Variants in ANKRD17 observed in about 807,000 individuals in gnomAD.
The protein encoded by ANKRD17 is ankyrin repeat domain 17.
A neutral mutation model predicts 229.7 loss-of-function variants in ANKRD17; 19 were observed. The ratio of observed to expected loss-of-function variants is 0.08; its 90% CI spans 0.06 to 0.12. The LOEUF (loss-of-function observed/expected upper bound fraction) is 0.12. Among genes scored for constraint, ANKRD17 ranks in the 10% least tolerant of loss-of-function variants. The pLI, the probability that ANKRD17 is intolerant of heterozygous loss-of-function variation, is 1.00. For synonymous variants in ANKRD17, 1,112 were observed against 1,146.1 expected, an observed-to-expected ratio of 0.97 and a Z score of 0.60; for missense variants, 2,176 against 3,176.8, an observed-to-expected ratio of 0.68 and a Z score of 7.57.
At chr4:73,168,632 G>A (rs922440980) in intron 2 of ANKRD17, among the ~76,000 whole-genome samples, 5 of 152,126 alleles carry the variant, frequency 3.3e-5, no homozygotes, top group Non-Finnish European at 5.9e-5. Context: ...ATGTTAAGTC[G>A]CTAGAAACAC....
intron 5 of ANKRD17, among the ~76,000 whole-genome samples, chr4:73,155,267 T>C (rs1223621512): frequency 1.2e-4 from 18 of 152,162 alleles, no homozygotes; most frequent in Admixed American, 1.2e-3. Context: ...TGAACTATCC[T>C]TTTGTTCCAC....
intron 26 of ANKRD17, among the ~76,000 whole-genome samples, chr4:73,097,520 G>A (rs1317117681): frequency 6.7e-6 from 1 of 150,102 alleles, no homozygotes; most frequent in Non-Finnish European, 1.5e-5. Context: ...CTGCAGCCTT[G>A]AGCTCTCGGG....
At chr4:73,095,824 T>C (rs1723233853) in intron 27 of ANKRD17, among the ~76,000 whole-genome samples, 1 of 152,108 alleles carries the variant, frequency 6.6e-6, no homozygotes, top group East Asian at 1.9e-4. Context: ...TAGCTGAGAT[T>C]ACAAGCACAA....
Position 73,094,183 on chromosome 4 carries a change from A to G in ANKRD17, c.5223T>C (p.Ile1741=), listed in dbSNP as rs760141741. ...SVPSTVISRV[I]GRGGCNINAI... ...CATTGATATTACAGCCTCCTCTTCC[A>G]ATCACTCTGGATATCACAGTTGATG... Residue 1741 remains isoleucine, a synonymous_variant, in exon 28 of 34, where the codon ATT becomes ATC. Coordinates refer to ENST00000358602, the MANE Select transcript of ANKRD17 (RefSeq NM_032217.5). The G allele has an allele frequency of 3.7e-6, 6 of 1,613,636 alleles. No homozygotes were observed. In the South Asian group the frequency reaches 4.4e-5, roughly 12 times the overall value.
intron 16 of ANKRD17, among the ~76,000 whole-genome samples, chr4:73,130,515 C>T (rs973437812): frequency 2.0e-5 from 3 of 151,662 alleles, no homozygotes; most frequent in Admixed American, 1.3e-4. Context: ...AGTCTTGATA[C>T]GTCACAAGTG....
At chr4:73,157,966 C>A (rs1038367058) in intron 3 of ANKRD17, among the ~76,000 whole-genome samples, 3 of 151,882 alleles carry the variant, frequency 2.0e-5, no homozygotes, top group Non-Finnish European at 4.4e-5. Context: ...GCAGCGTGGC[C>A]TATAGTCCCA....
chr4:73,181,528 T>G (rs1362183291), intron 1 of ANKRD17, among the ~76,000 whole-genome samples: 1 of 152,182 alleles, frequency 6.6e-6, no homozygotes, highest in Non-Finnish European at 1.5e-5. Flanking sequence ...AGATGCAATC[T>G]TATAAACATA....
intron 2 of ANKRD17, chr4:73,168,981 C>G (rs975467634): frequency 1.3e-5 from 2 of 152,114 alleles, no homozygotes; most frequent in Non-Finnish European, 2.9e-5. Context: ...TTCTTAGTGT[C>G]CATGTGTACT....
chr4:73,203,943 A>T (rs1347952773), intron 1 of ANKRD17, among the ~76,000 whole-genome samples: 1 of 152,088 alleles, frequency 6.6e-6, no homozygotes, highest in Non-Finnish European at 1.5e-5. Context: ...ACTCTTAAAA[A>T]CAGCCATGGG....
intron 1 of ANKRD17, among the ~76,000 whole-genome samples, chr4:73,193,069 T>G (rs1416543699): frequency 6.6e-6 from 1 of 152,216 alleles, no homozygotes; most frequent in Non-Finnish European, 1.5e-5. Flanking sequence ...AAATTTGTCC[T>G]GTCCATTTGT....
intron 2 of ANKRD17, chr4:73,169,147 A>G (rs1329497518): frequency 6.6e-6 from 1 of 152,148 alleles, no homozygotes; most frequent in Non-Finnish European, 1.5e-5. Flanking sequence ...CATGATGTAA[A>G]ATATAACTTA....
chr4:73,223,193 TCA>T, intron 1 of ANKRD17: 1 of 542,688 alleles, frequency 1.8e-6, no homozygotes, highest in South Asian at 3.2e-5. Context: ...AGGGGGTGAC[TCA>T]CTGTGTATTT....
At position 73,098,446 on chromosome 4, in the gene ANKRD17, T is replaced by C. The variant is rs1723561457; in HGVS notation, c.4648A>G (p.Thr1550Ala). 6.2e-7 allele frequency: 1 copy of C among 1,614,208 alleles called. No individual in the cohort carries two copies. Among genetic ancestry groups the C allele is most frequent in the Non-Finnish European group, 8.5e-7 (1 of 1,180,024 alleles). ...TTIGISATWT[T>A]LAGSHGKRNN... Reference sequence around the variant, plus strand: ...CTTTTACCATGAGAACCTGCCAAAGTTGTCCAGGTTGCAGATATACCTATG... The same window carrying C: ...CTTTTACCATGAGAACCTGCCAAAGCTGTCCAGGTTGCAGATATACCTATG... The change falls in exon 26 of 34, where the codon ACT becomes GCT. Residue 1550 changes from threonine (T) to alanine (A), a missense_variant. By Grantham distance (58) the Thr-to-Ala change is moderately conservative (BLOSUM62 0). This residue lies in a region of ANKRD17 where 105 missense variants were observed against 118.3 expected (regional missense o/e 0.89). Transcript: ENST00000358602.
At chr4:73,200,416 G>C (rs1047956116) in intron 1 of ANKRD17, among the ~76,000 whole-genome samples, 1 of 152,068 alleles carries the variant, frequency 6.6e-6, no homozygotes, top group Non-Finnish European at 1.5e-5. Flanking sequence ...GAGTAACATA[G>C]TAAGATCCTG....
At chr4:73,209,212 A>C (rs544315104) in intron 1 of ANKRD17, among the ~76,000 whole-genome samples, 1 of 152,312 alleles carries the variant, frequency 6.6e-6, no homozygotes, top group African/African-American at 2.4e-5. Flanking sequence ...GGTCAAAAAC[A>C]AAAAACAAAA....
At chr4:73,207,559 G>C (rs771509929) in intron 1 of ANKRD17, among the ~76,000 whole-genome samples, 6 of 152,122 alleles carry the variant, frequency 3.9e-5, no homozygotes, top group Non-Finnish European at 8.8e-5. Context: ...ACAGAGATAG[G>C]TTAAAAGAAT....
chr4:73,103,439 T>C (rs1302365434), intron 24 of ANKRD17, among the ~76,000 whole-genome samples: 6 of 152,192 alleles, frequency 3.9e-5, no homozygotes, highest in Non-Finnish European at 5.9e-5. Flanking sequence ...AATGAGTACA[T>C]TATTACTTTC....
rs1424652306 is a variant in ANKRD17, at chr4:73,146,841, C to A, written c.1792G>T (p.Asp598Tyr). 1.2e-6 allele frequency: 2 copies of A among 1,612,692 alleles called. No homozygotes were observed. Among genetic ancestry groups the A allele is most frequent in the Non-Finnish European group, 1.7e-6 (2 of 1,179,154 alleles). The change falls in exon 10 of 34, where the codon GAT (aspartate) becomes TAT (tyrosine). Residue 598 changes from aspartate to tyrosine, a missense_variant. Asp to Tyr is a radical substitution (Grantham distance 160, BLOSUM62 -3). Around this residue, in one of 18 missense-constraint regions of ANKRD17, gnomAD observed 275 missense variants for 386.9 expected, o/e 0.71. Coordinates refer to ENST00000358602, the MANE Select transcript of ANKRD17 (RefSeq NM_032217.5). ...TCACAGGCATATGTTAGTGCTGTATCCCCTGTTGCTGTTGTTGCATGAACG... is the reference window on the plus strand; with the variant it reads ...TCACAGGCATATGTTAGTGCTGTATACCCTGTTGCTGTTGTTGCATGAACG... Reference protein sequence around the residue: ...ANVHATTATGDTALTYACENG... With the variant: ...ANVHATTATGYTALTYACENG...
At chr4:73,244,668 T>C (rs1367166629) in intron 1 of ANKRD17, among the ~76,000 whole-genome samples, 1 of 152,172 alleles carries the variant, frequency 6.6e-6, no homozygotes, top group East Asian at 1.9e-4. Context: ...TCTTGCCTGA[T>C]GTGTTCTGGA....
Sources: gnomAD v4.1 joint callset for allele counts (sites outside exome capture counted in the v4.1 genomes callset) on GRCh38, gnomAD v4.1.1 for gene constraint, gnomAD v4.1.1 regional missense constraint, MANE v1.5 for transcripts, NCBI Gene and HGNC (gene_info 2026-07-23, HGNC 2026-07-21) for gene names.